The following RAB7A variants were observed in gnomAD, a reference collection of about 807,000 sequenced individuals.
The protein encoded by RAB7A is RAB7A, member RAS oncogene family, also known as ras-related protein Rab-7a.
A neutral mutation model predicts 24.5 loss-of-function variants in RAB7A; 2 were observed. That is an observed-to-expected ratio of 0.08 (90% CI 0.03 to 0.26). The LOEUF is 0.26. Ranked by LOEUF, RAB7A falls within the 10% of genes least tolerant of loss-of-function variation. The pLI is 1.00. For synonymous variants in RAB7A, 100 were observed against 95.9 expected (o/e 1.04, Z -0.25); for missense variants, 118 against 255.7 (o/e 0.46, Z 3.67).
chr3:128,798,323 CCTTT>C (rs1255044777), intron 3 of RAB7A: 1 of 424,784 alleles, frequency 2.4e-6, no homozygotes, highest in African/African-American at 2.0e-5. Flanking sequence ...TCAGATTTAT[CCTTT>C]CTTGTTTTTT....
In RAB7A at chr3:128,795,354, C is replaced by T; in HGVS notation, c.-8-6C>T. The T allele has an allele frequency of 6.2e-7, 1 of 1,610,262 alleles. No homozygotes were observed. Among genetic ancestry groups the T allele is most frequent in the Non-Finnish European group, 8.5e-7 (1 of 1,176,502 alleles). On this transcript the variant is annotated splice_region_variant and splice_polypyrimidine_tract_variant and intron_variant, in intron 1 of 5. Coordinates refer to ENST00000265062, the MANE Select transcript of RAB7A (RefSeq NM_004637.6). ...CTCACAGTGATTTCTCCTTTTCCCCCTTTAGTTTGAAGGATGACCTCTAGG... is the reference window on the plus strand; with the variant it reads ...CTCACAGTGATTTCTCCTTTTCCCCTTTTAGTTTGAAGGATGACCTCTAGG...
At chr3:128,731,547 C>T (rs977582260) in intron 1 of RAB7A, among the ~76,000 whole-genome samples, 1 of 152,194 alleles carries the variant, frequency 6.6e-6, no homozygotes, top group African/African-American at 2.4e-5. Flanking sequence ...GTGCTCACAA[C>T]TGTTGTGTGT....
chr3:128,732,215 T>C (rs562409996), intron 1 of RAB7A, among the ~76,000 whole-genome samples: 1 of 151,576 alleles, frequency 6.6e-6, no homozygotes, highest in South Asian at 2.1e-4. Flanking sequence ...AATTTTTGTA[T>C]TTTTAGTATA....
intron 1 of RAB7A, among the ~76,000 whole-genome samples, chr3:128,789,443 C>G (rs577087341): frequency 1.3e-5 from 2 of 150,446 alleles, no homozygotes; most frequent in Non-Finnish European, 3.0e-5. Context: ...TCAAGTGATT[C>G]TCCTGCCTCA....
At chr3:128,763,448 A>T (rs1455732249) in intron 1 of RAB7A, among the ~76,000 whole-genome samples, 3 of 151,758 alleles carry the variant, frequency 2.0e-5, no homozygotes, top group Admixed American at 1.3e-4. Flanking sequence ...CGATCTCCTG[A>T]TTTTGTGATC....
At chr3:128,764,760 G>C (rs2070812175) in intron 1 of RAB7A, 1 of 817,378 alleles carries the variant, frequency 1.2e-6, no homozygotes, top group Non-Finnish European at 2.1e-6. Context: ...CTGGTTTCTT[G>C]ATATCCTGAA....
intron 1 of RAB7A, chr3:128,785,241 T>G (rs1231286963): frequency 6.6e-6 from 1 of 151,890 alleles, no homozygotes; most frequent in East Asian, 1.9e-4. Context: ...TTTAGGGCAT[T>G]ATACCAATTG....
In RAB7A at chr3:128,790,423, C is replaced by T. The variant is rs963668081; in HGVS notation, c.-8-4937C>T. ...TGTTTGAGTGTAAAGGTAATGTGCT[C>T]CTCTAAGAGTCACAGTTAAGTATAA... On this transcript the variant is annotated intron_variant, in intron 1 of 5. Transcript: ENST00000265062. 2.6e-5 allele frequency among the ~76,000 whole-genome samples: 4 copies of T among 152,166 alleles called. No homozygotes were observed. The East Asian group carries it at 5.8e-4, about 22-fold the overall frequency.
rs1933936655 is a variant in RAB7A at position 128,811,954 on chromosome 3, A to G, written c.529-1373A>G. Among the ~76,000 whole-genome samples, 3 of 152,314 alleles carry G rather than the reference A, an allele frequency of 2.0e-5. No individual in the cohort carries two copies. In the South Asian group the frequency reaches 6.2e-4, roughly 32 times the overall value. On this transcript the variant is annotated intron_variant, in intron 5 of 5. Transcript: ENST00000265062. ...AGTGTCCAGAATAATAGGCAACTCT[A>G]TTGAGACAGAAAGTAGATGAGTGGT...
rs1208878243 is a variant in RAB7A at position 128,741,072 on chromosome 3, A to T, written c.-9+14713A>T. Among the ~76,000 whole-genome samples the T allele has an allele frequency of 6.3e-4, 95 of 151,770 alleles. 3 individuals carry two copies. The highest frequency in any genetic ancestry group is 8.8e-5 in the Non-Finnish European group (6 of 67,932). On this transcript the variant is annotated intron_variant, in intron 1 of 5. Coordinates refer to ENST00000265062, the MANE Select transcript of RAB7A (RefSeq NM_004637.6). ...CTACATTTTTTTATATATACTTAAA[A>T]TTTTTTTTAACTTTCACTTTCTGCT...
At chr3:128,810,320 G>A (rs187263439) in intron 5 of RAB7A, among the ~76,000 whole-genome samples, 17 of 152,108 alleles carry the variant, frequency 1.1e-4, no homozygotes, top group African/African-American at 4.1e-4. Flanking sequence ...ATAAAACTCT[G>A]TTGAGATTTT....
At chr3:128,736,285 A>G (rs773961804) in intron 1 of RAB7A, among the ~76,000 whole-genome samples, 80 of 152,322 alleles carry the variant, frequency 5.3e-4, no homozygotes, top group Middle Eastern at 3.4e-3. Flanking sequence ...TAATAATGGC[A>G]GAAGAATAAT....
At chr3:128,763,638 G>A (rs2070796058) in intron 1 of RAB7A, among the ~76,000 whole-genome samples, 1 of 152,096 alleles carries the variant, frequency 6.6e-6, no homozygotes, top group African/African-American at 2.4e-5. Flanking sequence ...TCACTGCATT[G>A]TAAAGATACT....
intron 1 of RAB7A, among the ~76,000 whole-genome samples, chr3:128,728,647 A>G (rs1267412499): frequency 3.3e-5 from 5 of 152,044 alleles, no homozygotes; most frequent in Non-Finnish European, 2.9e-5. Flanking sequence ...TTTTTAGTAG[A>G]GACAGGTTTT....
intron 1 of RAB7A, among the ~76,000 whole-genome samples, chr3:128,793,565 C>T (rs1268218279): frequency 6.6e-6 from 1 of 152,168 alleles, no homozygotes; most frequent in Non-Finnish European, 1.5e-5. Context: ...TTGAAACTTG[C>T]CCCCATTATC....
At chr3:128,746,314 C>A (rs2070614855) in intron 1 of RAB7A, among the ~76,000 whole-genome samples, 1 of 151,868 alleles carries the variant, frequency 6.6e-6, no homozygotes, top group Non-Finnish European at 1.5e-5. Context: ...GCTGTGTTAC[C>A]CAGGCTAGAG....
At chr3:128,732,453 C>T (rs1216781390) in intron 1 of RAB7A, among the ~76,000 whole-genome samples, 2 of 151,822 alleles carry the variant, frequency 1.3e-5, no homozygotes, top group East Asian at 1.9e-4. Flanking sequence ...TGATTCACTA[C>T]CCCGAGGAAG....
At chr3:128,786,211 T>C (rs1237548946) in intron 1 of RAB7A, among the ~76,000 whole-genome samples, 1 of 152,182 alleles carries the variant, frequency 6.6e-6, no homozygotes, top group Admixed American at 6.5e-5. Flanking sequence ...TGTAGTACAG[T>C]CCCCGGCACA....
rs372985164 is a variant in RAB7A, at chr3:128,737,312, T to G, written c.-9+10953T>G. Among the ~76,000 whole-genome samples, 7 of 147,636 alleles carry G rather than the reference T, an allele frequency of 4.7e-5. 1 individual carries two copies. The highest frequency in any genetic ancestry group is 2.0e-4 in the East Asian group (1 of 4,964). On this transcript the variant is annotated intron_variant, in intron 1 of 5. Coordinates refer to ENST00000265062, the MANE Select transcript of RAB7A (RefSeq NM_004637.6). ...CCTCAGCCTCCCAAAGTGCTGAGAT[T>G]ACAGGCGTGAGCCACCGCTCCCGGC... is the stretch of plus-strand genomic sequence containing the variant.
Sources: gnomAD v4.1 joint callset for allele counts (sites outside exome capture counted in the v4.1 genomes callset) on GRCh38, gnomAD v4.1.1 for gene constraint, MANE v1.5 for transcripts, NCBI Gene and HGNC (gene_info 2026-07-23, HGNC 2026-07-21) for gene names.